ZNF577: variants seen among roughly 807,000 people sequenced by gnomAD.
The protein encoded by ZNF577 is zinc finger protein 577.
ZNF577 carries 14 observed loss-of-function variants against 13.9 expected under a neutral mutation model. That is an observed-to-expected ratio of 1.00 (90% CI 0.66 to 1.57). The LOEUF is 1.57. Among genes scored for constraint, ZNF577 ranks in the 40% most tolerant of loss-of-function variants. ZNF577 has a pLI of 0.00. For missense variants in ZNF577, 555 were observed against 579.2 expected (o/e 0.96, Z 0.43); for synonymous variants, 203 against 202.9 (o/e 1.00, Z 0.00).
intron 3 of ZNF577, 102 bp from the exon 4 acceptor site, chr19:51,878,617 G>A: frequency 7.2e-7 from 1 of 1,397,252 alleles, no homozygotes. Context: ...GACAACGTAT[G>A]CACACCATGG....
chr19:51,824,177 G>C lies in ZNF577; in HGVS notation c.*600-12503C>G. ...ACCATCGCACCATGAGTCTGGCCAA[G>C]AGGGTGATGACGGGACTCTGGATTT... On this transcript the variant is annotated intron_variant and NMD_transcript_variant, in intron 9 of 10. Coordinates refer to the ZNF577 transcript ENST00000638827. The surrounding 1 kb of genome is among the most constrained non-coding windows in gnomAD (Gnocchi z 4.7). The C allele has an allele frequency of 6.2e-7, 1 of 1,614,170 alleles. No individual in the cohort carries two copies. The highest frequency in any genetic ancestry group is 8.5e-7 in the Non-Finnish European group (1 of 1,180,012).
At chr19:51,831,138 T>C (rs1398605013) in intron 9 of ZNF577, among the ~76,000 whole-genome samples, 2 of 152,162 alleles carry the variant, frequency 1.3e-5, no homozygotes, top group African/African-American at 4.8e-5. Flanking sequence ...TTTTATGAGA[T>C]GGAGTCTCAC....
At chr19:51,857,088 C>G (rs1451800901) in intron 5 of ZNF577, among the ~76,000 whole-genome samples, 1 of 152,086 alleles carries the variant, frequency 6.6e-6, no homozygotes, top group East Asian at 1.9e-4. Context: ...AACATGAGGT[C>G]AAGAGATCGA....
chr19:51,807,679 G>A (rs1418002861), intron 10 of ZNF577, among the ~76,000 whole-genome samples: 10 of 152,222 alleles, frequency 6.6e-5, no homozygotes, highest in African/African-American at 2.2e-4. Flanking sequence ...AGTAATCACA[G>A]GAAGAATGAA....
chr19:51,880,496 AC>A, intron 2 of ZNF577, 95 bp from the exon 3 acceptor site: 2 of 1,032,642 alleles, frequency 1.9e-6, no homozygotes, highest in South Asian at 1.3e-5. Context: ...ACTTTCACAA[AC>A]CCCCTGATCC....
intron 5 of ZNF577, chr19:51,845,058 T>C (rs947467790): frequency 6.6e-6 from 1 of 152,232 alleles, no homozygotes; most frequent in African/African-American, 2.4e-5. Flanking sequence ...TGTATGTATT[T>C]ATCAGTACAA....
Position 51,887,680 on chromosome 19 carries a change from A to C in ZNF577, c.-1078T>G, listed in dbSNP as rs2084971474. On this transcript the variant is annotated 5_prime_UTR_variant, in exon 1 of 6. Transcript: ENST00000638348. ...CAATGCGGAGACCATGGGCTCCCAG[A>C]CTCTGGGAACTCCAACACGACTGCG... The C allele has an allele frequency of 6.6e-6, 1 of 151,830 alleles. No individual in the cohort carries two copies. The highest frequency in any genetic ancestry group is 6.6e-5 in the Admixed American group (1 of 15,256). 9.4% of individuals were successfully genotyped at this position (151,830 alleles called of 1,614,324 possible). A position where few individuals can be genotyped will look rare whatever the true frequency, so the allele number is the denominator to read the frequency against.
chr19:51,848,170 A>AGCGT (rs1331660148), intron 5 of ZNF577, among the ~76,000 whole-genome samples: 1 of 152,160 alleles, frequency 6.6e-6, no homozygotes, highest in Non-Finnish European at 1.5e-5. Flanking sequence ...CTTTCCTGTC[A>AGCGT]GCGTAGGGCA....
Position 51,824,257 on chromosome 19 carries a change from C to T in ZNF577, c.*600-12583G>A, listed in dbSNP as rs148096409. The T allele has an allele frequency of 4.1e-4, 656 of 1,614,036 alleles. No individual in the cohort carries two copies. Among genetic ancestry groups the T allele is most frequent in the Non-Finnish European group, 5.2e-4 (616 of 1,180,022 alleles). ...ATCTTCTGGACTACAATAAGTACTA[C>T]GAATGGGGACACATACTGTATTTTC... On this transcript the variant is annotated intron_variant and NMD_transcript_variant, in intron 9 of 10. Transcript: ENST00000638827. This position sits in a 1 kb window ranked among gnomAD's most constrained non-coding sequence, Gnocchi z 4.7.
At chr19:51,807,478 T>G (rs556934586) in intron 10 of ZNF577, among the ~76,000 whole-genome samples, 1,705 of 152,198 alleles carry the variant, frequency 0.011, 95 homozygotes, top group Admixed American at 0.1. Flanking sequence ...GGCCTTCGGG[T>G]CCCTGCAGTT....
intron 9 of ZNF577, among the ~76,000 whole-genome samples, chr19:51,812,767 C>T (rs964317224): frequency 1.2e-4 from 18 of 152,124 alleles, no homozygotes; most frequent in Non-Finnish European, 1.5e-4. Context: ...TCATTTAATT[C>T]GTCTCTTAGT....
Position 51,873,343 on chromosome 19 carries a change from C to T in ZNF577, c.647G>A (p.Cys216Tyr), listed in dbSNP as rs2084697083. Residue 216 changes from cysteine (C) to tyrosine (Y), a missense_variant, in exon 6 of 6, where the codon TGT becomes TAT. Physicochemically the swap from Cys to Tyr is radical, Grantham distance 194. Coordinates refer to ENST00000638348, the MANE Select transcript of ZNF577 (RefSeq NM_001370449.1). ...GGAGAAGGCTTTTCCACATTCACTA[C>T]ATTCATGGGGCTTCTCTCCTGTGTG... Reference protein sequence around the residue: ...RTHTGEKPHECSECGKAFSRK... With the variant: ...RTHTGEKPHEYSECGKAFSRK... 1 of 1,614,234 alleles carries T rather than the reference C, an allele frequency of 6.2e-7. No homozygotes were observed. The highest frequency in any genetic ancestry group is 8.5e-7 in the Non-Finnish European group (1 of 1,180,044).
intron 8 of ZNF577, chr19:51,840,661 T>C (rs1180281126): frequency 6.6e-6 from 1 of 152,124 alleles, no homozygotes; most frequent in Non-Finnish European, 1.5e-5. Context: ...TCATGTGAAA[T>C]AGATGTAAAA....
chr19:51,804,881 C>G (rs2084047539), exon 11 of ZNF577: 1 of 152,138 alleles, frequency 6.6e-6, no homozygotes, highest in African/African-American at 2.4e-5. Context: ...ACACGGCCCT[C>G]TGTATTTATT....
At chr19:51,882,066 C>T (rs2084869886) in intron 1 of ZNF577, among the ~76,000 whole-genome samples, 1 of 152,128 alleles carries the variant, frequency 6.6e-6, no homozygotes, top group South Asian at 2.1e-4. Context: ...CCGCTTCATC[C>T]CAGCCCCAGC....
chr19:51,829,004 G>T (rs1329265466), intron 9 of ZNF577, among the ~76,000 whole-genome samples: 1 of 152,134 alleles, frequency 6.6e-6, no homozygotes, highest in Non-Finnish European at 1.5e-5. Context: ...GTTGTCCCTT[G>T]AGCTATATAT....
intron 9 of ZNF577, among the ~76,000 whole-genome samples, chr19:51,831,991 G>A (rs4802877): frequency 0.42 from 64,400 of 151,920 alleles, 13,811 homozygotes; most frequent in South Asian, 0.58. Flanking sequence ...CTAAGATAAC[G>A]TAGCCTCTCA....
intron 10 of ZNF577, among the ~76,000 whole-genome samples, chr19:51,810,837 A>G (rs939310402): frequency 6.6e-6 from 1 of 152,164 alleles, no homozygotes; most frequent in East Asian, 1.9e-4. Context: ...GTGTTCATGA[A>G]TAACCTGCTG....
Position 51,867,318 on chromosome 19 carries a change from A to G in ZNF577, c.*5214T>C, listed in dbSNP as rs1378570654. Among the ~76,000 whole-genome samples, 1 of 152,202 alleles carries G rather than the reference A, an allele frequency of 6.6e-6. No individual in the cohort carries two copies. Among genetic ancestry groups the G allele is most frequent in the Admixed American group, 6.5e-5 (1 of 15,278 alleles). ...TTTTTCTTCGGTTCTTAGGAAAAGGATATCATTTCTAAGGTATGATCTAGA... is the reference window on the plus strand; with the variant it reads ...TTTTTCTTCGGTTCTTAGGAAAAGGGTATCATTTCTAAGGTATGATCTAGA... On this transcript the variant is annotated 3_prime_UTR_variant, in exon 6 of 6. Transcript: ENST00000638348.
Sources: allele counts gnomAD v4.1 joint callset (sites outside exome capture counted in the v4.1 genomes callset), GRCh38; gene constraint gnomAD v4.1.1; non-coding constraint Gnocchi (gnomAD v3.1); transcripts MANE v1.5; gene names NCBI Gene and HGNC (gene_info 2026-07-23, HGNC 2026-07-21).